The following GAPVD1 variants were observed in gnomAD, a reference collection of about 807,000 sequenced individuals.
GAPVD1 encodes GTPase-activating protein and VPS9 domain-containing protein 1.
Under a neutral mutation model 155.5 loss-of-function variants are expected in GAPVD1, and 35 were observed. That is an observed-to-expected ratio of 0.23 (90% CI 0.17 to 0.30). GAPVD1 has a LOEUF of 0.30. GAPVD1 is among the 10% of genes least tolerant of loss of function. The pLI is 1.00. For synonymous variants in GAPVD1, 636 were observed against 619.7 expected, an observed-to-expected ratio of 1.03 and a Z score of -0.39; for missense variants, 1,429 against 1,775.7, an observed-to-expected ratio of 0.80 and a Z score of 3.51.
chr9:125,322,386 A>T (rs2076790264), intron 10 of GAPVD1, among the ~76,000 whole-genome samples: 1 of 152,034 alleles, frequency 6.6e-6, no homozygotes, highest in Non-Finnish European at 1.5e-5. Flanking sequence ...TTATTTAAAG[A>T]CAATAGTTCA....
intron 2 of GAPVD1, among the ~76,000 whole-genome samples, chr9:125,272,905 A>C (rs1204141681): frequency 6.6e-6 from 1 of 152,190 alleles, no homozygotes; most frequent in African/African-American, 2.4e-5. Context: ...GCAAAAATGC[A>C]GCTGAGGCTC....
chr9:125,323,701 T>C, intron 10 of GAPVD1, 97 bp from the exon 11 acceptor site: 6 of 1,171,732 alleles, frequency 5.1e-6, no homozygotes, highest in Non-Finnish European at 7.6e-6. Flanking sequence ...TTAAAAACAC[T>C]TTAATCAGTT....
intron 2 of GAPVD1, among the ~76,000 whole-genome samples, chr9:125,293,676 AATAT>A (rs1052245420): frequency 3.2e-5 from 4 of 126,090 alleles, no homozygotes; most frequent in Admixed American, 9.5e-5. Context: ...ATAATATAAA[AATAT>A]ATATATTATA....
At chr9:125,338,514 A>G (rs1422738718) in intron 17 of GAPVD1, among the ~76,000 whole-genome samples, 4 of 152,198 alleles carry the variant, frequency 2.6e-5, no homozygotes, top group Non-Finnish European at 4.4e-5. Context: ...CCTTCAGTCT[A>G]GAACAGTTCC....
rs373097651 is a variant in GAPVD1, at chr9:125,338,983, GGTTT to G, written c.2877+1405_2877+1408del. Reference sequence around the variant, plus strand: ...TATATATATTTTTTGTTGTTGTTGTGGTTTGTTTGTTTGTTTTAGATAGGGTCTT... The same window carrying G: ...TATATATATTTTTTGTTGTTGTTGTGGTTTGTTTGTTTTAGATAGGGTCTT... On this transcript the variant is annotated intron_variant, in intron 17 of 27. Coordinates refer to ENST00000297933, the MANE Select transcript of GAPVD1 (RefSeq NM_001282680.3). Among the ~76,000 whole-genome samples, 102 of 150,826 alleles carry G rather than the reference GGTTT, an allele frequency of 6.8e-4. 1 individual carries two copies. The highest frequency in any genetic ancestry group is 3.2e-3 in the South Asian group (15 of 4,756).
intron 2 of GAPVD1, among the ~76,000 whole-genome samples, chr9:125,280,777 G>T (rs938780603): frequency 2.4e-4 from 36 of 151,422 alleles, no homozygotes; most frequent in African/African-American, 7.7e-4. Context: ...GGGTTTCACT[G>T]TGTTAGCCAG....
chr9:125,332,123 T>G (rs1846181283), intron 14 of GAPVD1, 63 bp downstream of exon 14: 1 of 1,453,190 alleles, frequency 6.9e-7, no homozygotes, highest in Admixed American at 2.0e-5. Flanking sequence ...CCCCTCCTAT[T>G]TATAAAGTTG....
chr9:125,300,727 T>TA (rs1353668318), intron 4 of GAPVD1, among the ~76,000 whole-genome samples: 1 of 152,066 alleles, frequency 6.6e-6, no homozygotes, highest in African/African-American at 2.4e-5. Context: ...GATTACTGGG[T>TA]GCATGTATGT....
intron 2 of GAPVD1, among the ~76,000 whole-genome samples, chr9:125,293,895 T>TAGATATATATATATAG (rs1839376040): frequency 8.7e-6 from 1 of 115,134 alleles, no homozygotes; most frequent in Admixed American, 1.2e-4. Context: ...TATATATATA[T>TAGATATATATATATAG]ATATATATAA....
rs1236582387 is a variant in GAPVD1 at position 125,367,086 on chromosome 9, A to C, written c.*4340A>C. ...CAGATAAAACCTTTCTATAAGTCTC[A>C]ATTAATGAGCTTGCACAATCTTGTA... On this transcript the variant is annotated 3_prime_UTR_variant, in exon 28 of 28. Coordinates refer to ENST00000297933, the MANE Select transcript of GAPVD1 (RefSeq NM_001282680.3). 2.0e-5 allele frequency: 3 copies of C among 152,318 alleles called. No homozygotes were observed. In the East Asian group the frequency reaches 5.8e-4, roughly 29 times the overall value. 9.4% of individuals were successfully genotyped at this position (152,318 alleles called of 1,614,324 possible).
chr9:125,347,869 G>C (rs189738510), intron 20 of GAPVD1, among the ~76,000 whole-genome samples: 1 of 152,174 alleles, frequency 6.6e-6, no homozygotes, highest in African/African-American at 2.4e-5. Flanking sequence ...CAGAGGGAGA[G>C]TGGGCAGAAA....
At chr9:125,286,606 A>G (rs1445567404) in intron 2 of GAPVD1, among the ~76,000 whole-genome samples, 1 of 152,124 alleles carries the variant, frequency 6.6e-6, no homozygotes, top group Non-Finnish European at 1.5e-5. Flanking sequence ...GTTCTTATTC[A>G]TAGAGCAACT....
rs1834435664 is a variant in GAPVD1, at chr9:125,268,943, T to A, written c.-191T>A. Reference sequence around the variant, plus strand: ...CCTTTTTTTTTTCTTTAGGGGTAAGTGTACTGGAGAGAGTTGGTTATACAT... The same window carrying A: ...CCTTTTTTTTTTCTTTAGGGGTAAGAGTACTGGAGAGAGTTGGTTATACAT... On this transcript the variant is annotated 5_prime_UTR_variant, in exon 2 of 28. Coordinates refer to ENST00000297933, the MANE Select transcript of GAPVD1 (RefSeq NM_001282680.3). 6.6e-6 allele frequency: 1 copy of A among 151,946 alleles called. No individual in the cohort carries two copies. Among genetic ancestry groups the A allele is most frequent in the Admixed American group, 6.6e-5 (1 of 15,218 alleles). The allele number at this position is 151,946 out of a possible 1,614,324, so 9.4% of individuals were successfully genotyped here.
At chr9:125,290,026 A>T (rs1485169281) in intron 2 of GAPVD1, among the ~76,000 whole-genome samples, 1 of 152,206 alleles carries the variant, frequency 6.6e-6, no homozygotes, top group Admixed American at 6.6e-5. Context: ...ACCATCTCAA[A>T]TGCTTCTGTT....
At chr9:125,269,513 G>C (rs1834526059) in intron 2 of GAPVD1, among the ~76,000 whole-genome samples, 1 of 149,528 alleles carries the variant, frequency 6.7e-6, no homozygotes, top group East Asian at 2.0e-4. Flanking sequence ...TTTTTGAGTT[G>C]GAGTCTCGTT....
At position 125,293,940 on chromosome 9, in the gene GAPVD1, G is replaced by A. The variant is rs187499669; in HGVS notation, c.-149-1518G>A. Among the ~76,000 whole-genome samples the A allele has an allele frequency of 1.7e-3, 217 of 131,366 alleles. 1 individual carries two copies. Among genetic ancestry groups the A allele is most frequent in the African/African-American group, 5.7e-3 (197 of 34,806 alleles). 86.2% of individuals were successfully genotyped at this position (131,366 alleles called of 152,430 possible). A position where few individuals can be genotyped will look rare whatever the true frequency, so the allele number is the denominator to read the frequency against. On this transcript the variant is annotated intron_variant, in intron 2 of 27. Transcript: ENST00000297933. Reference sequence around the variant, plus strand: ...TCTGTTTTTGTTTTTTTGAGATGGCGTCTCACTCTGTTGCCAGTCTGGAGT... The same window carrying A: ...TCTGTTTTTGTTTTTTTGAGATGGCATCTCACTCTGTTGCCAGTCTGGAGT...
At chr9:125,299,611 T>G (rs1006399327) in intron 4 of GAPVD1, among the ~76,000 whole-genome samples, 2 of 149,988 alleles carry the variant, frequency 1.3e-5, no homozygotes, top group Non-Finnish European at 3.0e-5. Context: ...GCCGAGATTG[T>G]GCCACTGCAC....
At chr9:125,360,384 G>A in intron 26 of GAPVD1, 144 bp from the exon 27 acceptor site, 2 of 604,952 alleles carry the variant, frequency 3.3e-6, no homozygotes, top group Admixed American at 2.9e-5. Flanking sequence ...TAGTGAAGGG[G>A]AAAGGGGCCT....
intron 15 of GAPVD1, 129 bp from the exon 16 acceptor site, chr9:125,336,889 C>A: frequency 1.7e-6 from 1 of 571,636 alleles, no homozygotes. Context: ...TTTTTTTTTT[C>A]TGGTATGCCT....
Sources: allele counts gnomAD v4.1 joint callset (sites outside exome capture counted in the v4.1 genomes callset), GRCh38; gene constraint gnomAD v4.1.1; transcripts MANE v1.5; gene names NCBI Gene and HGNC (gene_info 2026-07-23, HGNC 2026-07-21).